Variants in PRIMA1 observed in about 807,000 individuals in gnomAD.
The protein encoded by PRIMA1 is proline rich membrane anchor 1, also known as proline-rich membrane anchor 1.
PRIMA1 carries 7 observed loss-of-function variants against 17.5 expected under a neutral mutation model. The ratio of observed to expected loss-of-function variants is 0.40; its 90% CI spans 0.23 to 0.75. The LOEUF is 0.75. Among genes scored for constraint, PRIMA1 ranks in the 30% least tolerant of loss-of-function variants. PRIMA1 has a pLI of 0.37. For missense variants in PRIMA1, 200 were observed against 201.8 expected (o/e 0.99, Z 0.05); for synonymous variants, 97 against 77.9 (o/e 1.25, Z -1.29).
At chr14:93,754,129 A>G (rs967813846) in intron 3 of PRIMA1, among the ~76,000 whole-genome samples, 1 of 152,202 alleles carries the variant, frequency 6.6e-6, no homozygotes, top group Middle Eastern at 3.2e-3. Flanking sequence ...ACGTGATGAT[A>G]AGAGTTGCTA....
intron 3 of PRIMA1, among the ~76,000 whole-genome samples, chr14:93,770,179 C>T (rs1181406416): frequency 1.3e-5 from 2 of 152,154 alleles, no homozygotes; most frequent in Admixed American, 1.3e-4. Context: ...CTCCCTGCAC[C>T]GTCACTCACC....
rs1317823449 is a variant in PRIMA1 at position 93,739,273 on chromosome 14, A to G, written c.230-1903T>C. Among the ~76,000 whole-genome samples the G allele has an allele frequency of 9.2e-5, 14 of 152,230 alleles. No homozygotes were observed. The East Asian group carries it at 2.1e-3, about 23-fold the overall frequency. ...CTCCATGTTGGTCAGGCTGGTCTCG[A>G]ACTCCTGACCTCAGGTGATCTGCCC... On this transcript the variant is annotated intron_variant, in intron 3 of 4. Coordinates refer to ENST00000393140, the MANE Select transcript of PRIMA1 (RefSeq NM_178013.4).
At chr14:93,742,959 A>C (rs1397804787) in intron 3 of PRIMA1, among the ~76,000 whole-genome samples, 2 of 152,214 alleles carry the variant, frequency 1.3e-5, no homozygotes, top group African/African-American at 4.8e-5. Flanking sequence ...TGTTGGAGAG[A>C]AGCTGCACAC....
At position 93,787,731 on chromosome 14, in the gene PRIMA1, C is replaced by T; in HGVS notation, c.-13G>A. On this transcript the variant is annotated 5_prime_UTR_variant, in exon 2 of 5. Coordinates refer to ENST00000393140, the MANE Select transcript of PRIMA1 (RefSeq NM_178013.4). ...CCCGGAGGAGCATCTCGGCCAGCGG[C>T]GCCCGCTCCTGGGGCGAACTGTCAG... The T allele has an allele frequency of 6.5e-7, 1 of 1,542,038 alleles. No homozygotes were observed.
At chr14:93,776,188 A>G (rs1005992383) in intron 3 of PRIMA1, among the ~76,000 whole-genome samples, 1 of 152,224 alleles carries the variant, frequency 6.6e-6, no homozygotes, top group Non-Finnish European at 1.5e-5. Flanking sequence ...TCATCATTTG[A>G]GACCATGGAT....
chr14:93,732,122 A>G (rs763927005), intron 4 of PRIMA1, among the ~76,000 whole-genome samples: 9 of 152,238 alleles, frequency 5.9e-5, no homozygotes, highest in Non-Finnish European at 1.0e-4. Context: ...CAGTGGCTTC[A>G]TGGCAATTGG....
At position 93,723,246 on chromosome 14, in the gene PRIMA1, C is replaced by T. The variant is rs187182837; in HGVS notation, c.360-1700G>A. Among the ~76,000 whole-genome samples, 839 of 152,246 alleles carry T rather than the reference C, an allele frequency of 5.5e-3. 7 individuals carry two copies. Among genetic ancestry groups the T allele is most frequent in the Admixed American group, 0.012 (186 of 15,308 alleles). ...TTCCCAGGGGTGCCAGGGTTGAGCC[C>T]GGATCTGCCCTTGCTGGTAGCTGTC... On this transcript the variant is annotated intron_variant, in intron 4 of 4. Transcript: ENST00000393140.
intron 3 of PRIMA1, among the ~76,000 whole-genome samples, chr14:93,745,468 G>A (rs961791939): frequency 2.6e-5 from 4 of 152,216 alleles, no homozygotes; most frequent in Non-Finnish European, 4.4e-5. Context: ...CTTTGTGTGT[G>A]CAGCGCCTTT....
At chr14:93,761,159 A>G (rs998252675) in intron 3 of PRIMA1, among the ~76,000 whole-genome samples, 2 of 152,170 alleles carry the variant, frequency 1.3e-5, no homozygotes, top group African/African-American at 4.8e-5. Context: ...CAGTCTGGCC[A>G]ACATGGCGAA....
chr14:93,753,667 G>A (rs1166998031), intron 3 of PRIMA1, among the ~76,000 whole-genome samples: 2 of 152,120 alleles, frequency 1.3e-5, no homozygotes, highest in African/African-American at 2.4e-5. Flanking sequence ...CAGAAGGCCC[G>A]ACAACAGAGC....
rs374031370 is a variant in PRIMA1 at position 93,745,500 on chromosome 14, G to A, written c.230-8130C>T. 1.1e-4 allele frequency among the ~76,000 whole-genome samples: 17 copies of A among 152,334 alleles called. No individual in the cohort carries two copies. The East Asian group carries it at 2.5e-3, about 23-fold the overall frequency. On this transcript the variant is annotated intron_variant, in intron 3 of 4. Transcript: ENST00000393140. ...CTTTCAGGCCCCCAGCCCCAGCCTG[G>A]TGGGCCCCCTGTGCTGGAGGCATCC...
chr14:93,757,995 A>G (rs1210650061), intron 3 of PRIMA1, among the ~76,000 whole-genome samples: 1 of 152,172 alleles, frequency 6.6e-6, no homozygotes, highest in Non-Finnish European at 1.5e-5. Context: ...CTTGGCCTCA[A>G]GGCAGAACTT....
At chr14:93,766,506 C>T (rs1390739504) in intron 3 of PRIMA1, among the ~76,000 whole-genome samples, 1 of 152,214 alleles carries the variant, frequency 6.6e-6, no homozygotes, top group Non-Finnish European at 1.5e-5. Context: ...AGCATCTCTC[C>T]CACTCAAATG....
intron 4 of PRIMA1, among the ~76,000 whole-genome samples, chr14:93,727,073 C>T (rs1457468628): frequency 1.3e-5 from 2 of 152,186 alleles, no homozygotes; most frequent in Non-Finnish European, 2.9e-5. Context: ...AGCAGCAGCC[C>T]CACGTCCAGC....
Position 93,726,994 on chromosome 14 carries a change from A to G in PRIMA1, c.360-5448T>C, listed in dbSNP as rs1420295198. ...ATGATGAGACTCCTCTGTAGACCTC[A>G]GACTTCCCCAAACCTGGGTCAAGAA... On this transcript the variant is annotated intron_variant, in intron 4 of 4. Transcript: ENST00000393140. This position sits in a 1 kb window ranked among gnomAD's most constrained non-coding sequence, Gnocchi z 4.2. 6.6e-6 allele frequency among the ~76,000 whole-genome samples: 1 copy of G among 152,186 alleles called. No homozygotes were observed. The highest frequency in any genetic ancestry group is 2.4e-5 in the African/African-American group (1 of 41,438).
chr14:93,740,283 T>G (rs896548666), intron 3 of PRIMA1, among the ~76,000 whole-genome samples: 10 of 152,154 alleles, frequency 6.6e-5, no homozygotes, highest in Admixed American at 6.5e-4. Context: ...ATGATGAACT[T>G]GTTCAAGGCT....
intron 3 of PRIMA1, 134 bp downstream of exon 3, chr14:93,779,042 C>T (rs1885304025): frequency 1.6e-6 from 1 of 635,224 alleles, no homozygotes; most frequent in Non-Finnish European, 2.7e-6. Context: ...GAAAGTTGGG[C>T]CTTGGCTTCC....
At chr14:93,727,911 G>A (rs772281197) in intron 4 of PRIMA1, among the ~76,000 whole-genome samples, 2 of 152,224 alleles carry the variant, frequency 1.3e-5, no homozygotes, top group South Asian at 2.1e-4. Context: ...GCTCCTGGGC[G>A]GTCACGCCCC....
intron 4 of PRIMA1, among the ~76,000 whole-genome samples, chr14:93,721,820 A>C (rs2076040754): frequency 2.6e-5 from 4 of 152,322 alleles, no homozygotes; most frequent in African/African-American, 9.6e-5. Context: ...AAGCAGGGAC[A>C]ACAGGTATGA....
Sources: gnomAD v4.1 joint callset for allele counts (sites outside exome capture counted in the v4.1 genomes callset) on GRCh38, gnomAD v4.1.1 for gene constraint, Gnocchi (gnomAD v3.1) non-coding constraint, MANE v1.5 for transcripts, NCBI Gene and HGNC (gene_info 2026-07-23, HGNC 2026-07-21) for gene names.